ACAD9: variants seen among roughly 807,000 people sequenced by gnomAD.
The protein encoded by ACAD9 is complex I assembly factor ACAD9, mitochondrial.
A neutral mutation model predicts 70.2 loss-of-function variants in ACAD9; 53 were observed. The ratio of observed to expected loss-of-function variants is 0.75; its 90% confidence interval spans 0.61 to 0.95. ACAD9 has a LOEUF of 0.95. ACAD9 is among the 40% of genes least tolerant of loss of function. The pLI is 0.00. For synonymous variants in ACAD9, 313 were observed against 312.1 expected, an observed-to-expected ratio of 1.00 and a Z score of -0.03; for missense variants, 777 against 802.8, an observed-to-expected ratio of 0.97 and a Z score of 0.39.
chr3:128,880,109 T>C (rs1576326213), intron 1 of ACAD9: 5 of 1,239,610 alleles, frequency 4.0e-6, no homozygotes, highest in African/African-American at 1.5e-5. Context: ...AACTCTAGGC[T>C]AGGTAATTAA....
chr3:128,891,941 C>A (rs907217659), intron 2 of ACAD9, among the ~76,000 whole-genome samples: 1 of 152,166 alleles, frequency 6.6e-6, no homozygotes, highest in Non-Finnish European at 1.5e-5. Flanking sequence ...CAGTTGTACA[C>A]CCATACAGTG....
At chr3:128,891,108 G>C (rs1450124792) in intron 2 of ACAD9, among the ~76,000 whole-genome samples, 3 of 151,940 alleles carry the variant, frequency 2.0e-5, no homozygotes, top group Non-Finnish European at 4.4e-5. Flanking sequence ...TAAAGTGCTG[G>C]GATTATAGGC....
chr3:128,897,484 GC>G, intron 5 of ACAD9, 147 bp from the exon 6 acceptor site: 1 of 726,734 alleles, frequency 1.4e-6, no homozygotes, highest in Non-Finnish European at 2.4e-6. Flanking sequence ...ACATCCTGCA[GC>G]TTGGAAAGCT....
Position 128,893,758 on chromosome 3 carries a change from G to C in ACAD9, c.346+102G>C, listed in dbSNP as rs964672949. 5 of 997,394 alleles carry C rather than the reference G, an allele frequency of 5.0e-6. No individual in the cohort carries two copies. The Admixed American group carries it at 7.8e-5, about 16-fold the overall frequency. The allele number at this position is 997,394 out of a possible 1,614,324, so 61.8% of individuals were successfully genotyped here. A position where few individuals can be genotyped will look rare whatever the true frequency, so the allele number is the denominator to read the frequency against. ...TGCTGGAATAGATGACACCATCCGT[G>C]GTGGGCTACTTGGTAGGGGTGGACT... On this transcript the variant is annotated intron_variant, in intron 3 of 17. Coordinates refer to ENST00000308982, the MANE Select transcript of ACAD9 (RefSeq NM_014049.5).
rs538465197 is a variant in ACAD9 at position 128,912,864 on chromosome 3, G to T, written c.*257G>T. The stretch of plus-strand genomic sequence containing the variant: ...AATGGAATTGCTGACCCCTGGAACT[G>T]GCGGGTATTCTGGTCATTGAGGAGA... On this transcript the variant is annotated 3_prime_UTR_variant, in exon 18 of 18. Coordinates refer to ENST00000308982, the MANE Select transcript of ACAD9 (RefSeq NM_014049.5). The T allele has an allele frequency of 3.1e-6, 2 of 639,420 alleles. No individual in the cohort carries two copies. Among genetic ancestry groups the T allele is most frequent in the Admixed American group, 3.6e-5 (2 of 54,918 alleles). 39.6% of individuals were successfully genotyped at this position (639,420 alleles called of 1,614,324 possible).
chr3:128,895,205 T>C, intron 3 of ACAD9, 105 bp from the exon 4 acceptor site: 1 of 860,678 alleles, frequency 1.2e-6, no homozygotes, highest in Non-Finnish European at 1.9e-6. Context: ...TTTAATATGG[T>C]GATCTGGCAT....
chr3:128,897,006 G>A (rs1402618222), intron 5 of ACAD9, among the ~76,000 whole-genome samples: 1 of 152,132 alleles, frequency 6.6e-6, no homozygotes, highest in African/African-American at 2.4e-5. Flanking sequence ...GAGAACCTGG[G>A]AACAGTCATC....
In ACAD9 at chr3:128,910,009, C is replaced by T. The variant is rs1936086220; in HGVS notation, c.1564-12C>T. 6.2e-7 allele frequency: 1 copy of T among 1,612,914 alleles called. No homozygotes were observed. The highest frequency in any genetic ancestry group is 1.3e-5 in the African/African-American group (1 of 74,948). ...GGTAGTGAGTCCCCACTTGGAGCCT[C>T]TGTGATCCCAGACCATCATGGAGGA... On this transcript the variant is annotated splice_polypyrimidine_tract_variant and intron_variant, in intron 15 of 17. Transcript: ENST00000308982.
intron 1 of ACAD9, 43 bp downstream of exon 1, chr3:128,879,884 T>C (rs1164666059): frequency 6.2e-7 from 1 of 1,613,368 alleles, no homozygotes; most frequent in East Asian, 2.2e-5. Flanking sequence ...TGGCTCCCGC[T>C]TTTCACCCTC....
Position 128,902,152 on chromosome 3 carries a change from A to T in ACAD9, c.883-401A>T, listed in dbSNP as rs1935757902. ...GTTACCGCTTTTGGCTGCTATCAGT[A>T]ATGCTACTTATGAACATTCATGTCA... On this transcript the variant is annotated intron_variant, in intron 8 of 17. Transcript: ENST00000308982. This position sits in a 1 kb window ranked among gnomAD's most constrained non-coding sequence, Gnocchi z 4.0. Among the ~76,000 whole-genome samples, 1 of 152,234 alleles carries T rather than the reference A, an allele frequency of 6.6e-6. No homozygotes were observed. Among genetic ancestry groups the T allele is most frequent in the African/African-American group, 2.4e-5 (1 of 41,456 alleles).
At chr3:128,896,684 A>G (rs1424060865) in intron 5 of ACAD9, 148 bp downstream of exon 5, 3 of 791,994 alleles carry the variant, frequency 3.8e-6, no homozygotes, top group Admixed American at 4.0e-5. Context: ...TGTTCTTGCC[A>G]TTCCTCTTAT....
chr3:128,893,557 G>C lies in ACAD9; in HGVS notation c.247G>C (p.Asp83His). 6.2e-7 allele frequency: 1 copy of C among 1,613,398 alleles called. No individual in the cohort carries two copies. Among genetic ancestry groups the C allele is most frequent in the Non-Finnish European group, 8.5e-7 (1 of 1,179,372 alleles). ...AATCAAGATTTTCCTCTTGGCAGTGGACTCCCGAAAAATTGACCAGGAAGG... is the reference window on the plus strand; with the variant it reads ...AATCAAGATTTTCCTCTTGGCAGTGCACTCCCGAAAAATTGACCAGGAAGG... ...PVEKFFTEEV[D>H]SRKIDQEGKI... The change falls in exon 3 of 18, where the codon GAC (aspartate) becomes CAC (histidine). Residue 83 changes from aspartate (D) to histidine (H), a missense_variant and splice_region_variant. By Grantham distance (81) the Asp-to-His change is moderately conservative. Coordinates refer to ENST00000308982, the MANE Select transcript of ACAD9 (RefSeq NM_014049.5).
intron 6 of ACAD9, among the ~76,000 whole-genome samples, chr3:128,898,101 C>G (rs1935618541): frequency 6.6e-6 from 1 of 152,168 alleles, no homozygotes; most frequent in Admixed American, 6.5e-5. Flanking sequence ...AAGTGATCTG[C>G]CCACCTCGGC....
At chr3:128,904,243 G>A (rs1372528226) in intron 10 of ACAD9, 111 bp downstream of exon 10, 7 of 1,580,394 alleles carry the variant, frequency 4.4e-6, no homozygotes, top group Non-Finnish European at 6.1e-6. Context: ...AAGAAGACTA[G>A]TTAAGGCTTT....
At chr3:128,912,061 G>A (rs932193558) in intron 17 of ACAD9, among the ~76,000 whole-genome samples, 5 of 152,206 alleles carry the variant, frequency 3.3e-5, no homozygotes, top group East Asian at 1.9e-4. Context: ...AAGCCCAGTC[G>A]TGTTGCCAAG....
chr3:128,904,336 G>A (rs1935826875), intron 10 of ACAD9, 50 bp from the exon 11 acceptor site: 5 of 1,614,050 alleles, frequency 3.1e-6, no homozygotes, highest in Admixed American at 1.7e-5. Flanking sequence ...TCACAGATTT[G>A]GCTCTCAGCA....
intron 2 of ACAD9, among the ~76,000 whole-genome samples, chr3:128,887,006 A>C (rs563436357): frequency 2.0e-5 from 3 of 152,044 alleles, no homozygotes; most frequent in Non-Finnish European, 4.4e-5. Context: ...ACCTCAGCTC[A>C]CTGCAACCTC....
rs141647117 is a variant in ACAD9, at chr3:128,910,140, C to T, written c.1683C>T (p.His561=). Residue 561 remains histidine, a synonymous_variant, in exon 16 of 18, where the codon CAC becomes CAT. Coordinates refer to ENST00000308982, the MANE Select transcript of ACAD9 (RefSeq NM_014049.5). ...CCATCCGCATTGGGCTCCGCAACCA[C>T]GACCACGAGGTGAGCCCAGCCCAGC... ...SRSIRIGLRN[H]DHEVLLANTF... 1,484 of 1,614,066 alleles carry T rather than the reference C, an allele frequency of 9.2e-4. 13 individuals carry two copies. In the African/African-American group the frequency reaches 0.017, roughly 18 times the overall value.
chr3:128,890,654 A>G (rs1268527652), intron 2 of ACAD9, among the ~76,000 whole-genome samples: 2 of 152,050 alleles, frequency 1.3e-5, no homozygotes, highest in South Asian at 2.1e-4. Flanking sequence ...GTGAGCCAAG[A>G]TCGCACCACT....
Sources: allele counts gnomAD v4.1 joint callset (sites outside exome capture counted in the v4.1 genomes callset), GRCh38; gene constraint gnomAD v4.1.1; non-coding constraint Gnocchi (gnomAD v3.1); transcripts MANE v1.5; gene names NCBI Gene and HGNC (gene_info 2026-07-23, HGNC 2026-07-21).